Variants in NUCKS1 observed in about 807,000 individuals in gnomAD.
NUCKS1 encodes nuclear ubiquitous casein and cyclin-dependent kinase substrate 1.
Under a neutral mutation model 33.0 loss-of-function variants are expected in NUCKS1, and 2 were observed. The ratio of observed to expected loss-of-function variants is 0.06; its 90% CI spans 0.02 to 0.19. The LOEUF is 0.19. NUCKS1 is among the 10% of genes least tolerant of loss of function. The pLI is 1.00. For missense variants in NUCKS1, 201 were observed against 293.6 expected (o/e 0.68, Z 2.31); for synonymous variants, 106 against 102.8 (o/e 1.03, Z -0.19).
rs575036456 is a variant in NUCKS1, at chr1:205,717,640, C to T, written c.*640G>A. ...TCAGGTAACCCCATTGCCCACCCTC[C>T]CTACAAGGTAAAAAATGAGTACTTT... On this transcript the variant is annotated 3_prime_UTR_variant, in exon 7 of 7. Transcript: ENST00000367142. 9.5e-4 allele frequency: 935 copies of T among 985,242 alleles called. 2 individuals carry two copies. Among genetic ancestry groups the T allele is most frequent in the Non-Finnish European group, 1.0e-3 (865 of 829,926 alleles). 61.0% of individuals were successfully genotyped at this position (985,242 alleles called of 1,614,324 possible).
At position 205,717,781 on chromosome 1, in the gene NUCKS1, G is replaced by C; in HGVS notation, c.*499C>G. 7 of 984,956 alleles carry C rather than the reference G, an allele frequency of 7.1e-6. No homozygotes were observed. The highest frequency in any genetic ancestry group is 7.2e-6 in the Non-Finnish European group (6 of 829,620). The allele number at this position is 984,956 out of a possible 1,614,324, so 61.0% of individuals were successfully genotyped here. A position where few individuals can be genotyped will look rare whatever the true frequency, so the allele number is the denominator to read the frequency against. Reference sequence around the variant, plus strand: ...TCTATAGACAAATAAACTCATATTAGATGACAATTGATTTTTTAAAAGTCC... The same window carrying C: ...TCTATAGACAAATAAACTCATATTACATGACAATTGATTTTTTAAAAGTCC... On this transcript the variant is annotated 3_prime_UTR_variant, in exon 7 of 7. Coordinates refer to ENST00000367142, the MANE Select transcript of NUCKS1 (RefSeq NM_022731.5).
At position 205,713,762 on chromosome 1, in the gene NUCKS1, T is replaced by C. The variant is rs747640880; in HGVS notation, c.*4518A>G. ...GTGTCTGATCATGTATCTAGCAACATTGCAGTATGAAGAAAAGAGATGCCC... is the reference window on the plus strand; with the variant it reads ...GTGTCTGATCATGTATCTAGCAACACTGCAGTATGAAGAAAAGAGATGCCC... On this transcript the variant is annotated 3_prime_UTR_variant, in exon 7 of 7. Coordinates refer to ENST00000367142, the MANE Select transcript of NUCKS1 (RefSeq NM_022731.5). The C allele has an allele frequency of 6.6e-5, 10 of 152,222 alleles. No individual in the cohort carries two copies. Among genetic ancestry groups the C allele is most frequent in the Non-Finnish European group, 1.2e-4 (8 of 68,064 alleles). The allele number at this position is 152,222 out of a possible 1,614,324, so 9.4% of individuals were successfully genotyped here.
intron 3 of NUCKS1, among the ~76,000 whole-genome samples, chr1:205,725,463 G>A (rs1383870624): frequency 1.3e-5 from 2 of 152,186 alleles, no homozygotes; most frequent in East Asian, 3.8e-4. Context: ...TAAGCAACCT[G>A]AGTCCAAGAC....
At chr1:205,727,620 C>T in intron 3 of NUCKS1, 80 bp downstream of exon 3, 1 of 956,354 alleles carries the variant, frequency 1.0e-6, no homozygotes, top group Non-Finnish European at 1.7e-6. Flanking sequence ...TATGAGATTC[C>T]AACAATTTAG....
intron 2 of NUCKS1, 146 bp from the exon 3 acceptor site, chr1:205,727,951 T>A: frequency 1.6e-6 from 1 of 638,534 alleles, no homozygotes; most frequent in Non-Finnish European, 2.7e-6. Context: ...TTTAAAAAAC[T>A]AAATTATTTC....
At position 205,716,770 on chromosome 1, in the gene NUCKS1, C is replaced by T. The variant is rs776814088; in HGVS notation, c.*1510G>A. ...ACCCTTTAAACCTTGTTCCCATTAG[C>T]GCCTGGTATTAGATGTGAAGGATCA... On this transcript the variant is annotated 3_prime_UTR_variant, in exon 7 of 7. Transcript: ENST00000367142. The T allele has an allele frequency of 2.0e-5, 3 of 152,130 alleles. No individual in the cohort carries two copies. Among genetic ancestry groups the T allele is most frequent in the South Asian group, 2.1e-4 (1 of 4,826 alleles). The allele number at this position is 152,130 out of a possible 1,614,324, so 9.4% of individuals were successfully genotyped here. A position where few individuals can be genotyped will look rare whatever the true frequency, so the allele number is the denominator to read the frequency against.
intron 1 of NUCKS1, among the ~76,000 whole-genome samples, chr1:205,733,334 GAGT>G (rs1653960971): frequency 7.2e-6 from 1 of 139,810 alleles, no homozygotes; most frequent in East Asian, 1.9e-4. Context: ...GATGTGAAAG[GAGT>G]AGTAGAGGTA....
At chr1:205,746,485 ACAC>A (rs1654336167) in intron 1 of NUCKS1, among the ~76,000 whole-genome samples, 1 of 123,056 alleles carries the variant, frequency 8.1e-6, no homozygotes, top group African/African-American at 2.8e-5. Flanking sequence ...ACACACACAC[ACAC>A]TAGAGAATAA....
At chr1:205,728,692 G>T (rs1328246942) in intron 2 of NUCKS1, among the ~76,000 whole-genome samples, 1 of 151,698 alleles carries the variant, frequency 6.6e-6, no homozygotes, top group Non-Finnish European at 1.5e-5. Context: ...AGAATAAAAA[G>T]AAAGAAAAAA....
chr1:205,750,044 C>T lies in NUCKS1; in HGVS notation c.-71G>A. ...CCCCCCCCACCCCGCGCGCTCGGCG[C>T]CCCACCCCCCCCGAACTTCAGCCGA... is the stretch of plus-strand genomic sequence containing the variant. On this transcript the variant is annotated 5_prime_UTR_variant, in exon 1 of 7. Coordinates refer to ENST00000367142, the MANE Select transcript of NUCKS1 (RefSeq NM_022731.5). The T allele has an allele frequency of 8.5e-7, 1 of 1,172,656 alleles. No individual in the cohort carries two copies. The highest frequency in any genetic ancestry group is 1.1e-6 in the Non-Finnish European group (1 of 883,458). The allele number at this position is 1,172,656 out of a possible 1,614,324, so 72.6% of individuals were successfully genotyped here.
intron 4 of NUCKS1, among the ~76,000 whole-genome samples, chr1:205,721,395 C>T (rs1377336219): frequency 6.6e-6 from 1 of 152,088 alleles, no homozygotes; most frequent in Non-Finnish European, 1.5e-5. Context: ...TAATTTTAAG[C>T]AGTAGACAAG....
intron 1 of NUCKS1, among the ~76,000 whole-genome samples, chr1:205,747,997 G>GAA (rs1180510562): frequency 7.1e-6 from 1 of 140,088 alleles, no homozygotes. Context: ...AAATGGCAAA[G>GAA]AAAAAAAAAA....
chr1:205,745,773 T>C lies in NUCKS1; in HGVS notation c.17+4184A>G, dbSNP rs569816657. Reference sequence around the variant, plus strand: ...AGCTCTGTAACTGTAACATATTCTTTAAGCTTGTTTTGTCATGTTACATGG... The same window carrying C: ...AGCTCTGTAACTGTAACATATTCTTCAAGCTTGTTTTGTCATGTTACATGG... On this transcript the variant is annotated intron_variant, in intron 1 of 6. Coordinates refer to ENST00000367142, the MANE Select transcript of NUCKS1 (RefSeq NM_022731.5). Among the ~76,000 whole-genome samples the C allele has an allele frequency of 2.8e-3, 423 of 152,322 alleles. 2 individuals are homozygous for C. The highest frequency in any genetic ancestry group is 4.0e-3 in the Non-Finnish European group (269 of 68,018).
rs1265555475 is a variant in NUCKS1, at chr1:205,716,950, G to C, written c.*1330C>G. 1 of 152,158 alleles carries C rather than the reference G, an allele frequency of 6.6e-6. No homozygotes were observed. Among genetic ancestry groups the C allele is most frequent in the African/African-American group, 2.4e-5 (1 of 41,418 alleles). The allele number at this position is 152,158 out of a possible 1,614,324, so 9.4% of individuals were successfully genotyped here. ...GGGGTTGGACCAAATAAAAAGACAAGAGCTAACTGAATTGTATGGGAGCAG... is the reference window on the plus strand; with the variant it reads ...GGGGTTGGACCAAATAAAAAGACAACAGCTAACTGAATTGTATGGGAGCAG... On this transcript the variant is annotated 3_prime_UTR_variant, in exon 7 of 7. Coordinates refer to ENST00000367142, the MANE Select transcript of NUCKS1 (RefSeq NM_022731.5).
chr1:205,748,486 A>C (rs1216776394), intron 1 of NUCKS1, among the ~76,000 whole-genome samples: 1 of 152,250 alleles, frequency 6.6e-6, no homozygotes, highest in African/African-American at 2.4e-5. Flanking sequence ...TGCCAAAAAA[A>C]TTACGCAAAC....
intron 1 of NUCKS1, among the ~76,000 whole-genome samples, chr1:205,732,779 CAA>C (rs59760552): frequency 4.1e-5 from 3 of 73,984 alleles, no homozygotes; most frequent in Non-Finnish European, 7.7e-5. Context: ...GACTCTGTCT[CAA>C]AAAAAAAAAA....
Position 205,717,088 on chromosome 1 carries a change from T to C in NUCKS1, c.*1192A>G, listed in dbSNP as rs1015268142. The C allele has an allele frequency of 1.2e-5, 2 of 160,556 alleles. No homozygotes were observed. The highest frequency in any genetic ancestry group is 4.8e-5 in the African/African-American group (2 of 41,578). The allele number at this position is 160,556 out of a possible 1,614,324, so 9.9% of individuals were successfully genotyped here. A position where few individuals can be genotyped will look rare whatever the true frequency, so the allele number is the denominator to read the frequency against. On this transcript the variant is annotated 3_prime_UTR_variant, in exon 7 of 7. Transcript: ENST00000367142. ...GCACTCGGGGTAGGGTGTGCAGTGGTGCTCTACGAAGCAGCAGGATCACAG... is the reference window on the plus strand; with the variant it reads ...GCACTCGGGGTAGGGTGTGCAGTGGCGCTCTACGAAGCAGCAGGATCACAG...
chr1:205,728,817 A>T (rs1326742370), intron 2 of NUCKS1, among the ~76,000 whole-genome samples: 1 of 152,254 alleles, frequency 6.6e-6, no homozygotes, highest in Non-Finnish European at 1.5e-5. Flanking sequence ...GTTCATAAAT[A>T]TAAGTTGTTT....
chr1:205,718,213 C>G lies in NUCKS1; in HGVS notation c.*67G>C. ...CTATCTTAAGTAGGTTCTTTTTTTTCCTCCCTCTTTTTTCTTTTTTTTTCT... is the reference window on the plus strand; with the variant it reads ...CTATCTTAAGTAGGTTCTTTTTTTTGCTCCCTCTTTTTTCTTTTTTTTTCT... On this transcript the variant is annotated 3_prime_UTR_variant, in exon 7 of 7. Transcript: ENST00000367142. The G allele has an allele frequency of 6.7e-7, 1 of 1,493,126 alleles. No homozygotes were observed. The highest frequency in any genetic ancestry group is 2.4e-5 in the East Asian group (1 of 42,244). The allele number at this position is 1,493,126 out of a possible 1,614,324, so 92.5% of individuals were successfully genotyped here.
Sources: allele counts gnomAD v4.1 joint callset (sites outside exome capture counted in the v4.1 genomes callset), GRCh38; gene constraint gnomAD v4.1.1; transcripts MANE v1.5; gene names NCBI Gene and HGNC (gene_info 2026-07-23, HGNC 2026-07-21).